The following EIF2S1 variants were observed in gnomAD, a reference collection of about 807,000 sequenced individuals.
The protein encoded by EIF2S1 is eukaryotic translation initiation factor 2 subunit 1.
EIF2S1 carries 5 observed loss-of-function variants against 33.5 expected under a neutral mutation model. The ratio of observed to expected loss-of-function variants is 0.15; its 90% CI spans 0.08 to 0.31. The LOEUF (loss-of-function observed/expected upper bound fraction) is 0.31, where lower values mean the gene tolerates loss of function less well. Ranked by LOEUF, EIF2S1 falls within the 10% of genes least tolerant of loss-of-function variation. The pLI, the probability that EIF2S1 is intolerant of heterozygous loss-of-function variation, is 1.00. For synonymous variants in EIF2S1, 99 were observed against 127.5 expected (o/e 0.78, Z 1.51); for missense variants, 191 against 384.6 (o/e 0.50, Z 4.21).
At chr14:67,375,064 A>G (rs181793285) in intron 3 of EIF2S1, among the ~76,000 whole-genome samples, 1 of 152,220 alleles carries the variant, frequency 6.6e-6, no homozygotes, top group Non-Finnish European at 1.5e-5. Context: ...CCCCTCCACT[A>G]GCGTGTTAGG....
chr14:67,381,941 C>G (rs2085889762), intron 6 of EIF2S1, among the ~76,000 whole-genome samples: 1 of 152,014 alleles, frequency 6.6e-6, no homozygotes, highest in South Asian at 2.1e-4. Context: ...GATGCCAAAC[C>G]TCCTTTACAA....
chr14:67,362,299 T>C (rs933239618), intron 1 of EIF2S1, among the ~76,000 whole-genome samples: 2 of 152,022 alleles, frequency 1.3e-5, no homozygotes, highest in Non-Finnish European at 2.9e-5. Flanking sequence ...GGATTACAGG[T>C]GTGAGCCACT....
rs187451255 is a variant in EIF2S1 at position 67,379,569 on chromosome 14, C to T, written c.474-1090C>T. Among the ~76,000 whole-genome samples the T allele has an allele frequency of 4.3e-4, 66 of 152,184 alleles. No homozygotes were observed. The East Asian group carries it at 5.2e-3, about 12-fold the overall frequency. ...CACCCAAATTCTCTTGCCTTTTATT[C>T]CCAATAAGACCCCTTGCTTATTAAG... On this transcript the variant is annotated intron_variant, in intron 4 of 7. Transcript: ENST00000256383.
chr14:67,375,232 CTGTG>C (rs3067321), intron 3 of EIF2S1, among the ~76,000 whole-genome samples: 27,188 of 137,304 alleles, frequency 0.2, 2,792 homozygotes, highest in Admixed American at 0.27. Flanking sequence ...ATCCTCAGTT[CTGTG>C]TGTGTGTGTG....
At chr14:67,364,619 A>G in intron 1 of EIF2S1, 148 bp from the exon 2 acceptor site, 1 of 739,690 alleles carries the variant, frequency 1.4e-6, no homozygotes, top group South Asian at 2.2e-5. Context: ...TTCTGGTACC[A>G]CTTAAGAAGT....
chr14:67,377,015 T>C (rs2085860505), intron 4 of EIF2S1, among the ~76,000 whole-genome samples: 1 of 152,220 alleles, frequency 6.6e-6, no homozygotes, highest in African/African-American at 2.4e-5. Context: ...ACACTTTCTG[T>C]TCTTTTGCCC....
chr14:67,383,529 A>G lies in EIF2S1; in HGVS notation c.*89A>G. 1 of 1,546,262 alleles carries G rather than the reference A, an allele frequency of 6.5e-7. No homozygotes were observed. The highest frequency in any genetic ancestry group is 8.8e-7 in the Non-Finnish European group (1 of 1,135,212). On this transcript the variant is annotated 3_prime_UTR_variant, in exon 8 of 8. Coordinates refer to ENST00000256383, the MANE Select transcript of EIF2S1 (RefSeq NM_004094.5). ...GACTTGAAAGTTTTCCAGTATTGAAAACTTCAAAGCTGAATATTTTTTATT... is the reference window on the plus strand; with the variant it reads ...GACTTGAAAGTTTTCCAGTATTGAAGACTTCAAAGCTGAATATTTTTTATT...
chr14:67,367,454 C>T (rs1013548113), intron 2 of EIF2S1, among the ~76,000 whole-genome samples: 1 of 149,594 alleles, frequency 6.7e-6, no homozygotes, highest in Non-Finnish European at 1.5e-5. Flanking sequence ...TGGTCTTGAT[C>T]TCCTGACCTT....
In EIF2S1 at chr14:67,366,833, T is replaced by C. The variant is rs550518242; in HGVS notation, c.241+1825T>C. Among the ~76,000 whole-genome samples, 4 of 142,118 alleles carry C rather than the reference T, an allele frequency of 2.8e-5. 1 individual carries two copies. Among genetic ancestry groups the C allele is most frequent in the East Asian group, 3.9e-4 (2 of 5,096 alleles). The allele number at this position is 142,118 out of a possible 152,430, so 93.2% of individuals were successfully genotyped here. On this transcript the variant is annotated intron_variant, in intron 2 of 7. Coordinates refer to ENST00000256383, the MANE Select transcript of EIF2S1 (RefSeq NM_004094.5). ...AAATTTGAAGGTGAGTCGACACTTA[T>C]AAGAAAGGGTATGTTTTCTGTTTTA...
At chr14:67,362,956 C>T (rs1436896641) in intron 1 of EIF2S1, among the ~76,000 whole-genome samples, 1 of 152,132 alleles carries the variant, frequency 6.6e-6, no homozygotes, top group African/African-American at 2.4e-5. Flanking sequence ...TATTCATAGT[C>T]ATATCCCTTC....
chr14:67,381,774 T>C, intron 6 of EIF2S1, 84 bp downstream of exon 6: 1 of 977,120 alleles, frequency 1.0e-6, no homozygotes, highest in South Asian at 1.6e-5. Flanking sequence ...TTTTTTTTTT[T>C]TAATCACATT....
intron 3 of EIF2S1, 76 bp from the exon 4 acceptor site, chr14:67,376,363 T>C: frequency 7.4e-7 from 1 of 1,356,616 alleles, no homozygotes; most frequent in South Asian, 1.5e-5. Context: ...CCAAATTATG[T>C]TATTTACTAA....
intron 7 of EIF2S1, chr14:67,382,805 A>T (rs567129957): frequency 7.3e-6 from 4 of 548,142 alleles, no homozygotes; most frequent in Admixed American, 6.8e-5. Context: ...TTGAATTTGC[A>T]TGTGGCATGT....
At chr14:67,362,785 C>T (rs1419840217) in intron 1 of EIF2S1, among the ~76,000 whole-genome samples, 1 of 152,100 alleles carries the variant, frequency 6.6e-6, no homozygotes, top group Non-Finnish European at 1.5e-5. Context: ...TTTCATTAGG[C>T]AATATGTTCA....
At chr14:67,378,211 AG>A (rs2085867656) in intron 4 of EIF2S1, among the ~76,000 whole-genome samples, 1 of 150,294 alleles carries the variant, frequency 6.7e-6, no homozygotes. Flanking sequence ...TAAGAGTTAG[AG>A]GGGGGAAAAA....
intron 4 of EIF2S1, among the ~76,000 whole-genome samples, chr14:67,378,274 A>T (rs1387954690): frequency 6.8e-6 from 1 of 147,716 alleles, no homozygotes; most frequent in Non-Finnish European, 1.5e-5. Context: ...AAGCCAACTC[A>T]TCTGGGGTTC....
chr14:67,365,584 T>G (rs1397244595), intron 2 of EIF2S1, among the ~76,000 whole-genome samples: 1 of 152,262 alleles, frequency 6.6e-6, no homozygotes, highest in Non-Finnish European at 1.5e-5. Flanking sequence ...CATTTTTTAC[T>G]TATTGGATGC....
At chr14:67,367,317 G>T (rs562507786) in intron 2 of EIF2S1, among the ~76,000 whole-genome samples, 1 of 152,138 alleles carries the variant, frequency 6.6e-6, no homozygotes, top group Non-Finnish European at 1.5e-5. Context: ...TGCAACCTCC[G>T]ACTCCCTGGT....
chr14:67,382,550 A>G lies in EIF2S1; in HGVS notation c.782A>G (p.Lys261Arg). The G allele has an allele frequency of 6.2e-7, 1 of 1,613,976 alleles. No homozygotes were observed. The highest frequency in any genetic ancestry group is 1.1e-5 in the South Asian group (1 of 91,060). ...CAAGCTATGGCTGTTATCAAAGAGA[A>G]GATTGAGGAAAAGAGGGGTGTGTTC... ...LSQAMAVIKE[K>R]IEEKRGVFNV... is the part of the protein sequence containing the mutation. Residue 261 changes from lysine (K) to arginine (R), a missense_variant, in exon 7 of 8, where the codon AAG (lysine) becomes AGG (arginine). Physicochemically the swap from Lys to Arg is conservative, Grantham distance 26. Coordinates refer to ENST00000256383, the MANE Select transcript of EIF2S1 (RefSeq NM_004094.5).
Sources: allele counts gnomAD v4.1 joint callset (sites outside exome capture counted in the v4.1 genomes callset), GRCh38; gene constraint gnomAD v4.1.1; transcripts MANE v1.5; gene names NCBI Gene and HGNC (gene_info 2026-07-23, HGNC 2026-07-21).